PLEKHH2: variants seen among roughly 807,000 people sequenced by gnomAD.
The protein encoded by PLEKHH2 is pleckstrin homology, MyTH4 and FERM domain containing H2, also known as pleckstrin homology domain-containing family H member 2.
A neutral mutation model predicts 187.9 loss-of-function variants in PLEKHH2; 129 were observed. That is an observed-to-expected ratio of 0.69 (90% CI 0.59 to 0.79). The LOEUF is 0.79. PLEKHH2 is among the 30% of genes least tolerant of loss of function. PLEKHH2 has a pLI of 0.00. For synonymous variants in PLEKHH2, 686 were observed against 605.6 expected, an observed-to-expected ratio of 1.13 and a Z score of -1.95; for missense variants, 2,076 against 1,751.2, an observed-to-expected ratio of 1.19 and a Z score of -3.31.
At chr2:43,764,158 TATTA>T (rs1295773006) in intron 28 of PLEKHH2, 66 bp from the exon 29 acceptor site, 31 of 906,318 alleles carry the variant, frequency 3.4e-5, no homozygotes, top group Non-Finnish European at 3.1e-6. Flanking sequence ...GGAGATATAT[TATTA>T]ATTATTTTCC....
At chr2:43,659,329 T>G (rs1318198321) in intron 2 of PLEKHH2, among the ~76,000 whole-genome samples, 3 of 151,842 alleles carry the variant, frequency 2.0e-5, no homozygotes, top group Non-Finnish European at 2.9e-5. Context: ...TCTCGCCTGG[T>G]CGTTCTTGTT....
In PLEKHH2 at chr2:43,722,587, G is replaced by A. The variant is rs188962943; in HGVS notation, c.2541+1838G>A. Among the ~76,000 whole-genome samples the A allele has an allele frequency of 2.8e-3, 423 of 152,254 alleles. 4 individuals carry two copies. Among genetic ancestry groups the A allele is most frequent in the African/African-American group, 9.7e-3 (402 of 41,566 alleles). On this transcript the variant is annotated intron_variant, in intron 16 of 29. Transcript: ENST00000282406. ...GAAACTCTAACTGGGAACCATAACA[G>A]GGAAGGAGGTTCTGGCAAATACAGT...
chr2:43,666,914 T>C (rs909182030), intron 2 of PLEKHH2, among the ~76,000 whole-genome samples: 3 of 152,178 alleles, frequency 2.0e-5, no homozygotes, highest in Admixed American at 6.5e-5. Context: ...ATAGTAAGTA[T>C]TGGCTTAGTA....
intron 15 of PLEKHH2, among the ~76,000 whole-genome samples, chr2:43,718,269 G>T (rs1172350174): frequency 6.6e-6 from 1 of 152,168 alleles, no homozygotes; most frequent in African/African-American, 2.4e-5. Flanking sequence ...GCCAGGCACA[G>T]TGGCTCACAG....
intron 28 of PLEKHH2, among the ~76,000 whole-genome samples, chr2:43,763,042 T>C (rs12993364): frequency 2.3e-4 from 35 of 152,208 alleles, no homozygotes; most frequent in Non-Finnish European, 4.4e-4. Flanking sequence ...GAAACCAAAC[T>C]ATTCTTTTGT....
chr2:43,659,700 A>C (rs1232367689), intron 2 of PLEKHH2, among the ~76,000 whole-genome samples: 1 of 151,858 alleles, frequency 6.6e-6, no homozygotes, highest in Non-Finnish European at 1.5e-5. Context: ...CTGGGACTAC[A>C]GGCACGTGCC....
chr2:43,675,567 A>T (rs1355559255), intron 2 of PLEKHH2: 1 of 1,613,866 alleles, frequency 6.2e-7, no homozygotes, highest in East Asian at 2.2e-5. Context: ...ATGCCTCTTC[A>T]ATAAGCTGTG....
intron 7 of PLEKHH2, 29 bp downstream of exon 7, chr2:43,697,385 G>A: frequency 1.3e-6 from 2 of 1,532,838 alleles, no homozygotes; most frequent in South Asian, 1.3e-5. Context: ...AATTGACTTT[G>A]GCATTTTTTA....
chr2:43,640,560 A>G (rs1019669081), intron 1 of PLEKHH2, among the ~76,000 whole-genome samples: 18 of 152,094 alleles, frequency 1.2e-4, no homozygotes, highest in Admixed American at 8.5e-4. Flanking sequence ...ATTCCCACCA[A>G]CAATGTATGA....
chr2:43,707,251 G>T, intron 10 of PLEKHH2, 150 bp from the exon 11 acceptor site: 3 of 613,462 alleles, frequency 4.9e-6, no homozygotes, highest in African/African-American at 1.9e-5. Context: ...AAAACTTTCT[G>T]TTATCTAAAA....
At chr2:43,656,604 C>T (rs1419969725) in intron 2 of PLEKHH2, among the ~76,000 whole-genome samples, 1 of 152,238 alleles carries the variant, frequency 6.6e-6, no homozygotes, top group African/African-American at 2.4e-5. Flanking sequence ...TTATCTATTG[C>T]TGCATAAAAA....
chr2:43,692,642 G>T lies in PLEKHH2; in HGVS notation c.315G>T (p.Leu105Phe). 2 of 1,613,220 alleles carry T rather than the reference G, an allele frequency of 1.2e-6. No individual in the cohort carries two copies. The highest frequency in any genetic ancestry group is 1.7e-6 in the Non-Finnish European group (2 of 1,179,630). ...AAAAAGATGACGTCATTCAAAACTT[G>T]GAATTGCAACTTGAAGAGCAGGTTA... ...IQEKDDVIQNLELQLEEQKQI... is the reference protein window; with the variant it reads ...IQEKDDVIQNFELQLEEQKQI... Residue 105 changes from leucine to phenylalanine, a missense_variant, in exon 4 of 30, where the codon TTG (leucine) becomes TTT (phenylalanine). By Grantham distance (22) the Leu-to-Phe change is conservative. Coordinates refer to ENST00000282406, the MANE Select transcript of PLEKHH2 (RefSeq NM_172069.4).
intron 24 of PLEKHH2, among the ~76,000 whole-genome samples, chr2:43,750,706 A>T (rs1671976013): frequency 6.6e-6 from 1 of 152,300 alleles, no homozygotes; most frequent in South Asian, 2.1e-4. Flanking sequence ...TAGAGAGTTA[A>T]GTCACTTGCC....
chr2:43,719,856 T>A (rs1039463488), intron 15 of PLEKHH2, among the ~76,000 whole-genome samples: 19 of 152,174 alleles, frequency 1.2e-4, no homozygotes, highest in Non-Finnish European at 1.5e-4. Context: ...TCTTTTTTTA[T>A]GTTAATGCAT....
chr2:43,719,567 G>A (rs1445818843), intron 15 of PLEKHH2, among the ~76,000 whole-genome samples: 2 of 152,172 alleles, frequency 1.3e-5, no homozygotes, highest in African/African-American at 4.8e-5. Flanking sequence ...AGCCTCCTGA[G>A]TAGCTGGAAC....
chr2:43,755,792 T>C (rs1672190427), intron 25 of PLEKHH2, among the ~76,000 whole-genome samples: 1 of 152,178 alleles, frequency 6.6e-6, no homozygotes, highest in Non-Finnish European at 1.5e-5. Flanking sequence ...GGTCTCTTCA[T>C]GTATATGACT....
At chr2:43,667,288 A>G (rs189832068) in intron 2 of PLEKHH2, among the ~76,000 whole-genome samples, 144 of 152,352 alleles carry the variant, frequency 9.5e-4, no homozygotes, top group Admixed American at 3.8e-3. Flanking sequence ...GAGATGGACA[A>G]TAATAACAAG....
At chr2:43,712,689 T>C (rs75934604) in intron 15 of PLEKHH2, among the ~76,000 whole-genome samples, 24,992 of 152,190 alleles carry the variant, frequency 0.16, 2,561 homozygotes, top group Middle Eastern at 0.29. Context: ...ATATCATTAA[T>C]ATTTAACACG....
At chr2:43,647,122 G>A (rs959891964) in intron 2 of PLEKHH2, among the ~76,000 whole-genome samples, 1 of 151,958 alleles carries the variant, frequency 6.6e-6, no homozygotes, top group African/African-American at 2.4e-5. Flanking sequence ...CTCTGTATAG[G>A]TATGGTATGA....
Sources: allele counts gnomAD v4.1 joint callset (sites outside exome capture counted in the v4.1 genomes callset), GRCh38; gene constraint gnomAD v4.1.1; transcripts MANE v1.5; gene names NCBI Gene and HGNC (gene_info 2026-07-23, HGNC 2026-07-21).